Variants in TMEM204 observed in about 807,000 individuals in gnomAD.
TMEM204 encodes transmembrane protein 204.
In TMEM204, 15 loss-of-function variants were observed where a neutral mutation model predicts 19.4. The ratio of observed to expected loss-of-function variants is 0.77; its 90% confidence interval spans 0.52 to 1.19. The LOEUF is 1.19. Ranked by LOEUF, TMEM204 falls within the 50% of genes most tolerant of loss-of-function variation. The pLI, the probability that TMEM204 is intolerant of heterozygous loss-of-function variation, is 0.00. For missense variants in TMEM204, 287 were observed against 321.2 expected (o/e 0.89, Z 0.81); for synonymous variants, 161 against 146.0 (o/e 1.10, Z -0.74).
intron 2 of TMEM204, among the ~76,000 whole-genome samples, chr16:1,552,299 G>T (rs957594676): frequency 1.4e-4 from 22 of 152,062 alleles, no homozygotes; most frequent in Non-Finnish European, 2.2e-4. Context: ...GCTGGGCTGG[G>T]ACTCTCCCCA....
intron 2 of TMEM204, among the ~76,000 whole-genome samples, chr16:1,544,019 C>CTTT (rs768616715): frequency 7.1e-6 from 1 of 140,044 alleles, no homozygotes; most frequent in Admixed American, 7.1e-5. Flanking sequence ...CACTACATTT[C>CTTT]TTTTTTTTTT....
rs1410650271 is a variant in TMEM204, at chr16:1,554,979, C to T, written c.634C>T (p.Arg212Cys). ...VIVISRSLTARFRRGLDNDYV... is the reference protein window; with the variant it reads ...VIVISRSLTACFRRGLDNDYV... ...TGTCATCAGCCGCTCCCTGACAGCG[C>T]GCTTTCGCCGTGGGCTGGACAATGA... Residue 212 changes from arginine to cysteine, a missense_variant, in exon 3 of 3, where the codon CGC becomes TGC. Transcript: ENST00000566264. 8 of 1,613,702 alleles carry T rather than the reference C, an allele frequency of 5.0e-6. No homozygotes were observed. Among genetic ancestry groups the T allele is most frequent in the Admixed American group, 1.7e-5 (1 of 59,994 alleles).
At chr16:1,546,210 C>T (rs1419821684) in intron 2 of TMEM204, among the ~76,000 whole-genome samples, 1 of 152,246 alleles carries the variant, frequency 6.6e-6, no homozygotes, top group East Asian at 1.9e-4. Context: ...TGGCTGCAGC[C>T]ACAGCATGAC....
At chr16:1,545,538 G>A (rs2032099018) in intron 2 of TMEM204, among the ~76,000 whole-genome samples, 1 of 152,194 alleles carries the variant, frequency 6.6e-6, no homozygotes, top group Admixed American at 6.5e-5. Context: ...ACTCGCGTCT[G>A]TTTTAAACAG....
intron 2 of TMEM204, among the ~76,000 whole-genome samples, chr16:1,542,414 G>A (rs1396429248): frequency 6.6e-6 from 1 of 152,236 alleles, no homozygotes; most frequent in Non-Finnish European, 1.5e-5. Context: ...GTCCACATGG[G>A]GCAGCCTGGG....
At chr16:1,538,509 C>T (rs1231904113) in intron 1 of TMEM204, among the ~76,000 whole-genome samples, 1 of 152,188 alleles carries the variant, frequency 6.6e-6, no homozygotes, top group Non-Finnish European at 1.5e-5. Flanking sequence ...TGCATCCCTC[C>T]TCCCCCTTCA....
intron 2 of TMEM204, among the ~76,000 whole-genome samples, chr16:1,547,662 G>A (rs529388352): frequency 7.2e-5 from 11 of 152,168 alleles, no homozygotes; most frequent in African/African-American, 2.4e-4. Flanking sequence ...TCAGCCTCCC[G>A]AGTAGCTGGA....
chr16:1,529,619 G>GC (rs1417430859), upstream of TMEM204, among the ~76,000 whole-genome samples: 1 of 152,218 alleles, frequency 6.6e-6, no homozygotes, highest in East Asian at 1.9e-4. Context: ...AGGCTGTGCT[G>GC]CCCTCGGTCC....
intron 2 of TMEM204, among the ~76,000 whole-genome samples, chr16:1,550,366 C>T (rs954382741): frequency 7.9e-5 from 12 of 152,180 alleles, no homozygotes; most frequent in African/African-American, 1.9e-4. Flanking sequence ...TTAGAATGGT[C>T]GACCCATTCT....
rs1022265569 is a variant in TMEM204, at chr16:1,554,974, C to T, written c.629C>T (p.Thr210Ile). 1.2e-6 allele frequency: 2 copies of T among 1,613,918 alleles called. No homozygotes were observed. Among genetic ancestry groups the T allele is most frequent in the Non-Finnish European group, 1.7e-6 (2 of 1,180,000 alleles). ...GTGATTGTCATCAGCCGCTCCCTGA[C>T]AGCGCGCTTTCGCCGTGGGCTGGAC... is the stretch of plus-strand genomic sequence containing the variant. ...PRVIVISRSL[T>I]ARFRRGLDND... Residue 210 changes from threonine (T) to isoleucine (I), a missense_variant, in exon 3 of 3, where the codon ACA becomes ATA. Coordinates refer to ENST00000566264, the MANE Select transcript of TMEM204 (RefSeq NM_024600.6).
At chr16:1,546,833 G>A (rs1007198744) in intron 2 of TMEM204, among the ~76,000 whole-genome samples, 1 of 152,248 alleles carries the variant, frequency 6.6e-6, no homozygotes, top group African/African-American at 2.4e-5. Flanking sequence ...TACTTGGGTT[G>A]AGTCATATCT....
chr16:1,540,863 C>T (rs959747756), intron 1 of TMEM204: 2 of 985,328 alleles, frequency 2.0e-6, no homozygotes, highest in Non-Finnish European at 2.4e-6. Flanking sequence ...AGGCTAGGGA[C>T]TCTGTGGGGC....
At chr16:1,542,779 G>A (rs1279280710) in intron 2 of TMEM204, among the ~76,000 whole-genome samples, 2 of 152,378 alleles carry the variant, frequency 1.3e-5, no homozygotes, top group East Asian at 1.9e-4. Context: ...TCCCCAAGCC[G>A]CCATGTGAGT....
At chr16:1,539,056 C>CGCCTCAGGCCTCAGCAA (rs1365547604) in intron 1 of TMEM204, among the ~76,000 whole-genome samples, 1 of 149,496 alleles carries the variant, frequency 6.7e-6, no homozygotes, top group African/African-American at 2.5e-5. Context: ...GATGGCCCCA[C>CGCCTCAGGCCTCAGCAA]GCCTCAGGCC....
At chr16:1,540,699 T>G (rs2031551138) in intron 1 of TMEM204, 3 of 404,516 alleles carry the variant, frequency 7.4e-6, no homozygotes, top group Non-Finnish European at 1.0e-5. Context: ...GTGGTGAGGC[T>G]GCTTCCCTCT....
chr16:1,534,601 G>A (rs1209081936), intron 1 of TMEM204, 46 bp downstream of exon 1: 13 of 1,594,876 alleles, frequency 8.2e-6, no homozygotes, highest in African/African-American at 2.7e-5. Flanking sequence ...GCCGAGGCTC[G>A]AGGGCACATG....
chr16:1,551,711 G>A lies in TMEM204; in HGVS notation c.437-3071G>A, dbSNP rs1392963986. ...AGAGCCTAAGATCAGCGGCACTTCA[G>A]TCTTCTACGGGGTTTTGTTGGGAGC... On this transcript the variant is annotated intron_variant, in intron 2 of 2. Coordinates refer to ENST00000566264, the MANE Select transcript of TMEM204 (RefSeq NM_024600.6). This position sits in a 1 kb window ranked among gnomAD's most constrained non-coding sequence, Gnocchi z 4.0. Among the ~76,000 whole-genome samples, 1 of 152,202 alleles carries A rather than the reference G, an allele frequency of 6.6e-6. No homozygotes were observed. The highest frequency in any genetic ancestry group is 1.5e-5 in the Non-Finnish European group (1 of 68,022).
intron 1 of TMEM204, among the ~76,000 whole-genome samples, chr16:1,539,992 G>C (rs2031475552): frequency 1.3e-5 from 2 of 152,222 alleles, no homozygotes; most frequent in Admixed American, 1.3e-4. Context: ...CCAGGAAGGA[G>C]AGCTCCCTCC....
intron 2 of TMEM204, among the ~76,000 whole-genome samples, chr16:1,547,082 G>A (rs1374202003): frequency 6.6e-6 from 1 of 152,224 alleles, no homozygotes; most frequent in Non-Finnish European, 1.5e-5. Flanking sequence ...AGGTGGGCAT[G>A]ATGCCGAAGG....
Sources: gnomAD v4.1 joint callset for allele counts (sites outside exome capture counted in the v4.1 genomes callset) on GRCh38, gnomAD v4.1.1 for gene constraint, Gnocchi (gnomAD v3.1) non-coding constraint, MANE v1.5 for transcripts, NCBI Gene and HGNC (gene_info 2026-07-23, HGNC 2026-07-21) for gene names.